Variants in CCNY observed in about 807,000 individuals in gnomAD.
CCNY encodes cyclin-Y.
Under a neutral mutation model 42.8 loss-of-function variants are expected in CCNY, and 19 were observed. That is an observed-to-expected ratio of 0.44 (90% confidence interval 0.31 to 0.65). The LOEUF is 0.65. CCNY is among the 30% of genes least tolerant of loss of function. CCNY has a pLI of 0.07. For missense variants in CCNY, 370 were observed against 437.3 expected (o/e 0.85, Z 1.37); for synonymous variants, 165 against 162.7 (o/e 1.01, Z -0.11).
intron 1 of CCNY, among the ~76,000 whole-genome samples, chr10:35,362,502 A>G (rs947133712): frequency 6.6e-6 from 1 of 152,232 alleles, no homozygotes; most frequent in Non-Finnish European, 1.5e-5. Context: ...AGGATAGTCC[A>G]GACGAGGCTT....
chr10:35,496,972 T>G (rs1309864559), intron 2 of CCNY, among the ~76,000 whole-genome samples: 1 of 152,224 alleles, frequency 6.6e-6, no homozygotes, highest in Non-Finnish European at 1.5e-5. Context: ...TTTTGCTGAT[T>G]TTAGATGGCT....
chr10:35,537,220 T>C (rs1840904521), intron 7 of CCNY, among the ~76,000 whole-genome samples: 1 of 152,190 alleles, frequency 6.6e-6, no homozygotes. Context: ...AAGTCAAGAA[T>C]TGAGGTTTGC....
intron 1 of CCNY, among the ~76,000 whole-genome samples, chr10:35,408,115 A>C (rs1837821787): frequency 6.6e-6 from 1 of 152,144 alleles, no homozygotes; most frequent in Non-Finnish European, 1.5e-5. Context: ...GGATAGTGAG[A>C]GAGGTTGGAG....
At chr10:35,362,275 G>A (rs902869518) in intron 1 of CCNY, among the ~76,000 whole-genome samples, 1 of 152,348 alleles carries the variant, frequency 6.6e-6, no homozygotes, top group Non-Finnish European at 1.5e-5. Context: ...ATAAAAAAGA[G>A]TGTGCAATAA....
intron 1 of CCNY, among the ~76,000 whole-genome samples, chr10:35,413,805 G>A (rs1837964410): frequency 6.6e-6 from 1 of 152,186 alleles, no homozygotes; most frequent in Non-Finnish European, 1.5e-5. Flanking sequence ...GGCTCCAGTG[G>A]CACTGAAGCG....
At chr10:35,415,339 T>A (rs1424130277) in intron 1 of CCNY, among the ~76,000 whole-genome samples, 1 of 151,286 alleles carries the variant, frequency 6.6e-6, no homozygotes, top group Non-Finnish European at 1.5e-5. Flanking sequence ...TGACGGCAGG[T>A]GGGCTTTGTA....
chr10:35,310,007 A>G (rs374015548), intron 3 of CCNY, among the ~76,000 whole-genome samples: 16 of 151,936 alleles, frequency 1.1e-4, no homozygotes, highest in East Asian at 5.9e-4. Context: ...TCACCATGTT[A>G]GCCAGGATGG....
intron 1 of CCNY, among the ~76,000 whole-genome samples, chr10:35,384,163 A>G (rs1171452142): frequency 6.6e-6 from 1 of 152,208 alleles, no homozygotes; most frequent in Non-Finnish European, 1.5e-5. Context: ...ACAGGTCGCA[A>G]TCAGTTTAGA....
intron 1 of CCNY, among the ~76,000 whole-genome samples, chr10:35,407,779 AC>A (rs1312562334): frequency 2.0e-5 from 3 of 152,004 alleles, no homozygotes; most frequent in Non-Finnish European, 4.4e-5. Flanking sequence ...AAGGGTAGAG[AC>A]ACGGAGAAGG....
chr10:35,456,212 TC>T (rs1393661638), intron 1 of CCNY, among the ~76,000 whole-genome samples: 1 of 152,196 alleles, frequency 6.6e-6, no homozygotes, highest in African/African-American at 2.4e-5. Context: ...GAGAGATACT[TC>T]CTGTCTTCTT....
intron 1 of CCNY, among the ~76,000 whole-genome samples, chr10:35,372,431 C>G (rs1309722475): frequency 2.0e-5 from 3 of 152,236 alleles, no homozygotes; most frequent in African/African-American, 7.2e-5. Flanking sequence ...TCCCTGGGAT[C>G]AGCCTCGGGC....
chr10:35,393,126 A>G (rs1038728951), intron 1 of CCNY, among the ~76,000 whole-genome samples: 2 of 151,994 alleles, frequency 1.3e-5, no homozygotes, highest in African/African-American at 4.8e-5. Context: ...TCCTTCCCCT[A>G]TTAGGATAGT....
chr10:35,345,129 T>A (rs956900739), intron 1 of CCNY, among the ~76,000 whole-genome samples: 21 of 152,330 alleles, frequency 1.4e-4, no homozygotes, highest in Non-Finnish European at 2.8e-4. Flanking sequence ...TTTCTAGTTC[T>A]AGATCCCTGA....
At chr10:35,410,433 C>T (rs1837879023) in intron 1 of CCNY, among the ~76,000 whole-genome samples, 1 of 152,008 alleles carries the variant, frequency 6.6e-6, no homozygotes, top group African/African-American at 2.4e-5. Flanking sequence ...GCTAAGAGAA[C>T]TAACACATGT....
In CCNY at chr10:35,493,051, G is replaced by T. The variant is rs111229337; in HGVS notation, c.230-8450G>T. Among the ~76,000 whole-genome samples, 508 of 152,226 alleles carry T rather than the reference G, an allele frequency of 3.3e-3. 4 individuals are homozygous for T. The highest frequency in any genetic ancestry group is 0.012 in the African/African-American group (478 of 41,526). On this transcript the variant is annotated intron_variant, in intron 2 of 9. Coordinates refer to ENST00000374704, the MANE Select transcript of CCNY (RefSeq NM_145012.6). Reference sequence around the variant, plus strand: ...CCAGGCCTCGCCCTGTAAGTCAGAGGCGCTCTTTGGGTGCCGTGGCTCACT... The same window carrying T: ...CCAGGCCTCGCCCTGTAAGTCAGAGTCGCTCTTTGGGTGCCGTGGCTCACT...
chr10:35,481,797 A>G (rs1839674960), intron 1 of CCNY, among the ~76,000 whole-genome samples: 1 of 152,096 alleles, frequency 6.6e-6, no homozygotes, highest in Admixed American at 6.5e-5. Context: ...TTGTTATTTA[A>G]CCCCTTTTAT....
At chr10:35,474,516 G>A (rs1839462346) in intron 1 of CCNY, among the ~76,000 whole-genome samples, 1 of 152,172 alleles carries the variant, frequency 6.6e-6, no homozygotes, top group Admixed American at 6.5e-5. Context: ...CTAACTGGGA[G>A]GCACCCTCCA....
intron 3 of CCNY, among the ~76,000 whole-genome samples, chr10:35,253,825 A>G (rs371504611): frequency 6.6e-6 from 1 of 151,958 alleles, no homozygotes; most frequent in East Asian, 1.9e-4. Flanking sequence ...CATTGTTTTA[A>G]AATTGGCTAT....
chr10:35,474,701 A>C (rs1204307701), intron 1 of CCNY, among the ~76,000 whole-genome samples: 1 of 151,802 alleles, frequency 6.6e-6, no homozygotes, highest in African/African-American at 2.4e-5. Flanking sequence ...TGGGGAAAAA[A>C]CAGAACAGAA....
Sources: gnomAD v4.1 joint callset for allele counts (sites outside exome capture counted in the v4.1 genomes callset) on GRCh38, gnomAD v4.1.1 for gene constraint, MANE v1.5 for transcripts, NCBI Gene and HGNC (gene_info 2026-07-23, HGNC 2026-07-21) for gene names.